The following ST8SIA2 variants were observed in gnomAD, a reference collection of about 807,000 sequenced individuals.
ST8SIA2 encodes the protein ST8 alpha-N-acetyl-neuraminide alpha-2,8-sialyltransferase 2.
A neutral mutation model predicts 37.6 loss-of-function variants in ST8SIA2; 22 were observed. The ratio of observed to expected loss-of-function variants is 0.58; its 90% CI spans 0.42 to 0.83. The LOEUF (loss-of-function observed/expected upper bound fraction) is 0.83. ST8SIA2 is among the 40% of genes least tolerant of loss of function. The pLI is 0.00. For missense variants in ST8SIA2, 382 were observed against 484.7 expected, an observed-to-expected ratio of 0.79 and a Z score of 1.99; for synonymous variants, 205 against 201.2, an observed-to-expected ratio of 1.02 and a Z score of -0.16.
intron 1 of ST8SIA2, among the ~76,000 whole-genome samples, chr15:92,412,909 CG>C (rs1464234568): frequency 6.6e-6 from 1 of 152,200 alleles, no homozygotes; most frequent in African/African-American, 2.4e-5. Flanking sequence ...TCGCCCACCT[CG>C]GCCTCCCAAA....
intron 1 of ST8SIA2, among the ~76,000 whole-genome samples, chr15:92,412,731 C>T (rs998339201): frequency 5.9e-5 from 9 of 152,178 alleles, no homozygotes; most frequent in African/African-American, 1.9e-4. Context: ...GATCTTGGCT[C>T]ACTGCAACCA....
intron 5 of ST8SIA2, among the ~76,000 whole-genome samples, chr15:92,457,866 G>T (rs2049930605): frequency 6.6e-6 from 1 of 152,150 alleles, no homozygotes; most frequent in Non-Finnish European, 1.5e-5. Context: ...ATTCATTCCG[G>T]AGCCTCATTT....
chr15:92,450,794 A>G (rs1268765348), intron 5 of ST8SIA2, among the ~76,000 whole-genome samples: 1 of 152,246 alleles, frequency 6.6e-6, no homozygotes, highest in Non-Finnish European at 1.5e-5. Flanking sequence ...GATCCAAACC[A>G]TATCAATGAG....
intron 1 of ST8SIA2, among the ~76,000 whole-genome samples, chr15:92,410,675 A>T (rs2049542102): frequency 6.6e-6 from 1 of 152,198 alleles, no homozygotes. Context: ...ACCAACAAAC[A>T]TCTTATGAGA....
intron 5 of ST8SIA2, among the ~76,000 whole-genome samples, chr15:92,453,089 CT>C (rs1475485428): frequency 6.6e-6 from 1 of 152,066 alleles, no homozygotes; most frequent in Non-Finnish European, 1.5e-5. Flanking sequence ...AAGGCCTGCC[CT>C]TCTGTAAATT....
chr15:92,437,734 G>A (rs780452185), intron 3 of ST8SIA2, among the ~76,000 whole-genome samples: 3 of 152,112 alleles, frequency 2.0e-5, no homozygotes, highest in East Asian at 1.9e-4. Context: ...GAAACCTTCC[G>A]TGGAAGAAAA....
In ST8SIA2 at chr15:92,444,831, C is replaced by T. The variant is rs775482075; in HGVS notation, c.744C>T (p.Gly248=). ...LWIPAFMARG[G]KERVEWVNEL... is the part of the protein sequence containing the mutation. ...TCCCTGCCTTCATGGCCCGGGGCGG[C>T]AAGGAGCGTGTTGAGTGGGTCAACG... The change falls in exon 5 of 6, where the codon GGC becomes GGT. Residue 248 remains glycine (G), a synonymous_variant. Transcript: ENST00000268164. 2 of 1,614,060 alleles carry T rather than the reference C, an allele frequency of 1.2e-6. No homozygotes were observed. Among genetic ancestry groups the T allele is most frequent in the Non-Finnish European group, 1.7e-6 (2 of 1,180,042 alleles).
chr15:92,461,351 A>C (rs1474500248), intron 5 of ST8SIA2, among the ~76,000 whole-genome samples: 2 of 152,176 alleles, frequency 1.3e-5, no homozygotes, highest in Non-Finnish European at 2.9e-5. Flanking sequence ...AAAAGCCCCA[A>C]AAATATATAT....
chr15:92,443,118 T>A (rs78029646), intron 4 of ST8SIA2, among the ~76,000 whole-genome samples: 3,793 of 152,306 alleles, frequency 0.025, 166 homozygotes, highest in African/African-American at 0.084. Context: ...AAGTCCTTGC[T>A]TAAAGGGAGG....
intron 1 of ST8SIA2, among the ~76,000 whole-genome samples, chr15:92,410,846 ATT>A: frequency 6.6e-6 from 1 of 152,298 alleles, no homozygotes; most frequent in South Asian, 2.1e-4. Context: ...AGAAGGCAGG[ATT>A]TGGGGACTTG....
intron 5 of ST8SIA2, among the ~76,000 whole-genome samples, chr15:92,447,112 G>A (rs7166344): frequency 0.64 from 97,116 of 152,096 alleles, 33,065 homozygotes; most frequent in African/African-American, 0.89. Context: ...GATGGCTTAG[G>A]CTAGGATTAT....
At chr15:92,429,639 T>C (rs2049700614) in intron 1 of ST8SIA2, among the ~76,000 whole-genome samples, 1 of 152,220 alleles carries the variant, frequency 6.6e-6, no homozygotes, top group Non-Finnish European at 1.5e-5. Flanking sequence ...AACAGCTCAC[T>C]ACATGTGAGT....
chr15:92,459,627 C>T (rs1487102758), intron 5 of ST8SIA2, among the ~76,000 whole-genome samples: 1 of 152,154 alleles, frequency 6.6e-6, no homozygotes, highest in African/African-American at 2.4e-5. Flanking sequence ...GAGATGGAGT[C>T]TCGCTCTTGT....
chr15:92,454,500 G>T (rs553388922), intron 5 of ST8SIA2, among the ~76,000 whole-genome samples: 102 of 152,134 alleles, frequency 6.7e-4, no homozygotes, highest in Non-Finnish European at 1.2e-3. Context: ...AGCTGGGTTA[G>T]ATGGCCTCCC....
chr15:92,416,187 C>T (rs1033317866), intron 1 of ST8SIA2, among the ~76,000 whole-genome samples: 4 of 126,092 alleles, frequency 3.2e-5, no homozygotes, highest in African/African-American at 9.5e-5. Context: ...CACTCACCCT[C>T]AGGTGGACGA....
rs370511683 is a variant in ST8SIA2 at position 92,430,852 on chromosome 15, T to C, written c.161+741T>C. Among the ~76,000 whole-genome samples, 73 of 152,316 alleles carry C rather than the reference T, an allele frequency of 4.8e-4. 1 individual carries two copies. In the East Asian group the frequency reaches 0.013, roughly 27 times the overall value. The stretch of plus-strand genomic sequence containing the variant: ...GCTACTACTCAAAATCAGGGCCTTG[T>C]TTTTCTTTCTAAATATCCTATTTTG... On this transcript the variant is annotated intron_variant, in intron 2 of 5. Transcript: ENST00000268164.
At chr15:92,394,561 C>A (rs1436100151) in intron 1 of ST8SIA2, among the ~76,000 whole-genome samples, 1 of 152,108 alleles carries the variant, frequency 6.6e-6, no homozygotes, top group Non-Finnish European at 1.5e-5. Flanking sequence ...CCAGCACGGC[C>A]GCTTTCTCGC....
intron 3 of ST8SIA2, among the ~76,000 whole-genome samples, chr15:92,435,644 C>T (rs1249686504): frequency 2.0e-5 from 3 of 152,090 alleles, no homozygotes; most frequent in Non-Finnish European, 4.4e-5. Flanking sequence ...CTGTGCAGGG[C>T]TGGGGAATTG....
At position 92,438,437 on chromosome 15, in the gene ST8SIA2, C is replaced by T; in HGVS notation, c.375C>T (p.Tyr125=). ...GTLKPGDIIH[Y]IFDRDSTMNV... is the part of the protein sequence containing the mutation. ...TGAAGCCTGGAGATATTATTCATTA[C>T]ATCTTCGATCGAGACAGCACCATGA... The change falls in exon 4 of 6, where the codon TAC becomes TAT. Residue 125 remains tyrosine, a synonymous_variant. Transcript: ENST00000268164. 1.2e-6 allele frequency: 2 copies of T among 1,614,236 alleles called. No homozygotes were observed. Among genetic ancestry groups the T allele is most frequent in the Non-Finnish European group, 1.7e-6 (2 of 1,180,038 alleles).
Sources: allele counts gnomAD v4.1 joint callset (sites outside exome capture counted in the v4.1 genomes callset), GRCh38; gene constraint gnomAD v4.1.1; transcripts MANE v1.5; gene names NCBI Gene and HGNC (gene_info 2026-07-23, HGNC 2026-07-21).